Variants in UBE2U observed in about 807,000 individuals in gnomAD.
The protein encoded by UBE2U is ubiquitin-conjugating enzyme E2 U.
Under a neutral mutation model 41.2 loss-of-function variants are expected in UBE2U, and 39 were observed. The observed-to-expected ratio is 0.95, with a 90% CI of 0.73 to 1.24. UBE2U has a LOEUF of 1.24. Among genes scored for constraint, UBE2U ranks in the 50% most tolerant of loss-of-function variants. UBE2U has a pLI of 0.00. For synonymous variants in UBE2U, 107 were observed against 117.8 expected, an observed-to-expected ratio of 0.91 and a Z score of 0.60; for missense variants, 336 against 363.1, an observed-to-expected ratio of 0.93 and a Z score of 0.61.
chr1:64,214,092 T>C (rs920262494), intron 4 of UBE2U, among the ~76,000 whole-genome samples: 3 of 152,218 alleles, frequency 2.0e-5, no homozygotes, highest in African/African-American at 4.8e-5. Context: ...CACTTAACAT[T>C]GTCTCTCAAG....
intron 8 of UBE2U, among the ~76,000 whole-genome samples, chr1:64,242,294 C>A (rs1299062201): frequency 3.3e-5 from 5 of 152,068 alleles, no homozygotes; most frequent in African/African-American, 1.2e-4. Flanking sequence ...TCTTTTGACC[C>A]CTGAAGGCAG....
chr1:64,212,547 T>A (rs1285239435), intron 4 of UBE2U, among the ~76,000 whole-genome samples: 1 of 152,168 alleles, frequency 6.6e-6, no homozygotes, highest in African/African-American at 2.4e-5. Flanking sequence ...AATTAATGTG[T>A]GTAAAGAATT....
At chr1:64,250,363 T>C (rs1474899241) in intron 8 of UBE2U, among the ~76,000 whole-genome samples, 7 of 152,148 alleles carry the variant, frequency 4.6e-5, no homozygotes, top group Non-Finnish European at 7.3e-5. Context: ...AAGACAACTT[T>C]AAACCCAGAT....
In UBE2U at chr1:64,205,725, G is replaced by T; in HGVS notation, c.148+5G>T. The T allele has an allele frequency of 1.2e-6, 2 of 1,609,588 alleles. No individual in the cohort carries two copies. The highest frequency in any genetic ancestry group is 8.5e-7 in the Non-Finnish European group (1 of 1,177,728). ...TACAGAATTCAGTTTGGCAGGGTTT[G>T]TATTTTCAAAACCAATCTATTTTTT... On this transcript the variant is annotated splice_donor_5th_base_variant and intron_variant, in intron 2 of 9. Coordinates refer to ENST00000371077, the MANE Select transcript of UBE2U (RefSeq NM_001366232.2).
chr1:64,249,365 G>A (rs915367167), intron 8 of UBE2U, among the ~76,000 whole-genome samples: 1 of 117,538 alleles, frequency 8.5e-6, no homozygotes, highest in South Asian at 3.1e-4. Context: ...GTGACAGAGT[G>A]AGACTCTGTC....
chr1:64,263,836 CA>C, intron 9 of UBE2U, among the ~76,000 whole-genome samples: 1 of 152,290 alleles, frequency 6.6e-6, no homozygotes, highest in African/African-American at 2.4e-5. Flanking sequence ...CATCTCTCCA[CA>C]GCCTCACTTC....
At chr1:64,221,365 G>T (rs576168655) in intron 6 of UBE2U, among the ~76,000 whole-genome samples, 1 of 152,062 alleles carries the variant, frequency 6.6e-6, no homozygotes, top group Non-Finnish European at 1.5e-5. Context: ...CACCCGCCTC[G>T]GCCTCCCAAA....
intron 4 of UBE2U, among the ~76,000 whole-genome samples, chr1:64,214,067 A>C (rs1651826741): frequency 6.6e-6 from 1 of 152,198 alleles, no homozygotes; most frequent in East Asian, 1.9e-4. Context: ...TAAACTATAC[A>C]GCCTGTTTCT....
intron 1 of UBE2U, among the ~76,000 whole-genome samples, chr1:64,205,401 T>G (rs1208988946): frequency 6.6e-6 from 1 of 152,210 alleles, no homozygotes; most frequent in African/African-American, 2.4e-5. Flanking sequence ...CTAGTCCCAC[T>G]TGTGATTTCC....
chr1:64,240,844 C>G (rs1054199624), intron 7 of UBE2U, among the ~76,000 whole-genome samples: 3 of 152,172 alleles, frequency 2.0e-5, no homozygotes, highest in Non-Finnish European at 4.4e-5. Context: ...TCACTGCAAC[C>G]TCTGACTACT....
At chr1:64,207,283 T>C (rs1651356344) in intron 3 of UBE2U, among the ~76,000 whole-genome samples, 1 of 152,142 alleles carries the variant, frequency 6.6e-6, no homozygotes, top group Non-Finnish European at 1.5e-5. Flanking sequence ...CCCCAGTAGC[T>C]GGGACTACAG....
intron 8 of UBE2U, among the ~76,000 whole-genome samples, chr1:64,250,507 G>A (rs939299673): frequency 6.6e-6 from 1 of 152,046 alleles, no homozygotes; most frequent in African/African-American, 2.4e-5. Flanking sequence ...GACAGTATAC[G>A]AAAACTACAA....
At chr1:64,235,469 A>T (rs1644648113) in intron 7 of UBE2U, among the ~76,000 whole-genome samples, 1 of 152,162 alleles carries the variant, frequency 6.6e-6, no homozygotes, top group Non-Finnish European at 1.5e-5. Context: ...GCTGGATGAG[A>T]TCCAACACTA....
chr1:64,226,579 T>TA (rs1652880540), intron 6 of UBE2U, among the ~76,000 whole-genome samples: 1 of 152,190 alleles, frequency 6.6e-6, no homozygotes, highest in African/African-American at 2.4e-5. Context: ...CTTGGGCCTG[T>TA]AATCCCAGCT....
chr1:64,254,259 G>A (rs1645057182), intron 8 of UBE2U, among the ~76,000 whole-genome samples: 1 of 152,144 alleles, frequency 6.6e-6, no homozygotes, highest in Non-Finnish European at 1.5e-5. Flanking sequence ...GATTCATAAA[G>A]CAAGTTCTTA....
At chr1:64,266,405 C>T (rs940790665) in intron 9 of UBE2U, among the ~76,000 whole-genome samples, 49 of 152,244 alleles carry the variant, frequency 3.2e-4, no homozygotes, top group African/African-American at 1.1e-3. Context: ...TATCTTTGAT[C>T]AAGTTACTAT....
At chr1:64,260,764 AC>A (rs758087013) in intron 9 of UBE2U, 70 bp downstream of exon 9, 4 of 1,237,366 alleles carry the variant, frequency 3.2e-6, no homozygotes, top group Non-Finnish European at 4.5e-6. Flanking sequence ...ATAACTTTAA[AC>A]TTTTTTCCAT....
chr1:64,251,495 G>A, intron 8 of UBE2U, among the ~76,000 whole-genome samples: 1 of 152,210 alleles, frequency 6.6e-6, no homozygotes, highest in Non-Finnish European at 1.5e-5. Flanking sequence ...GAGTGAATTT[G>A]GCATGTTCAA....
chr1:64,233,464 AAGAT>A (rs1644609554), intron 7 of UBE2U, among the ~76,000 whole-genome samples: 1 of 152,174 alleles, frequency 6.6e-6, no homozygotes, highest in African/African-American at 2.4e-5. Context: ...GCCAGAAAGA[AAGAT>A]AGTCAATTGG....
Sources: gnomAD v4.1 joint callset for allele counts (sites outside exome capture counted in the v4.1 genomes callset) on GRCh38, gnomAD v4.1.1 for gene constraint, MANE v1.5 for transcripts, NCBI Gene and HGNC (gene_info 2026-07-23, HGNC 2026-07-21) for gene names.